The following RTN4 variants were observed in gnomAD, a reference collection of about 807,000 sequenced individuals.
The protein encoded by RTN4 is reticulon 4.
In RTN4, 32 loss-of-function variants were observed where a neutral mutation model predicts 90.4. The ratio of observed to expected loss-of-function variants is 0.35; its 90% CI spans 0.27 to 0.48. The LOEUF (loss-of-function observed/expected upper bound fraction) is 0.48. Among genes scored for constraint, RTN4 ranks in the 20% least tolerant of loss-of-function variants. The pLI, the probability that RTN4 is intolerant of heterozygous loss-of-function variation, is 0.99. For synonymous variants in RTN4, 629 were observed against 552.5 expected (o/e 1.14, Z -1.94); for missense variants, 1,706 against 1,430.2 (o/e 1.19, Z -3.11).
chr2:55,071,215 A>G (rs561205386), intron 2 of RTN4, among the ~76,000 whole-genome samples: 9 of 151,840 alleles, frequency 5.9e-5, no homozygotes, highest in African/African-American at 1.9e-4. Flanking sequence ...CTTGTGATCT[A>G]CAAGACAAAA....
At chr2:54,988,379 A>G (rs1436550401) in intron 3 of RTN4, among the ~76,000 whole-genome samples, 3 of 152,332 alleles carry the variant, frequency 2.0e-5, no homozygotes, top group Non-Finnish European at 2.9e-5. Flanking sequence ...AAATAATTCA[A>G]TAAATATATT....
intron 1 of RTN4, among the ~76,000 whole-genome samples, chr2:55,086,593 C>T (rs1450278090): frequency 2.0e-5 from 3 of 151,988 alleles, no homozygotes; most frequent in African/African-American, 7.3e-5. Context: ...TCACTCAAGC[C>T]CACGATTTCG....
At chr2:55,069,194 T>C (rs1447610192) in intron 2 of RTN4, among the ~76,000 whole-genome samples, 1 of 152,256 alleles carries the variant, frequency 6.6e-6, no homozygotes, top group African/African-American at 2.4e-5. Flanking sequence ...TAACACATTT[T>C]ACCTAGCTCA....
intron 2 of RTN4, among the ~76,000 whole-genome samples, chr2:55,062,792 C>T (rs1668323946): frequency 6.6e-6 from 1 of 152,224 alleles, no homozygotes; most frequent in African/African-American, 2.4e-5. Flanking sequence ...CATTAGCCAT[C>T]TACCTGGTCA....
In RTN4 at chr2:55,050,270, A is replaced by C. The variant is rs757519920; in HGVS notation, c.31T>G (p.Ser11Ala). 2.0e-6 allele frequency: 3 copies of C among 1,490,602 alleles called. No individual in the cohort carries two copies. The East Asian group carries it at 8.0e-5, about 40-fold the overall frequency. The allele number at this position is 1,490,602 out of a possible 1,614,324, so 92.3% of individuals were successfully genotyped here. A position where few individuals can be genotyped will look rare whatever the true frequency, so the allele number is the denominator to read the frequency against. The change falls in exon 1 of 9, where the codon TCG becomes GCG. Residue 11 changes from serine (S) to alanine (A), a missense_variant. By Grantham distance (99) the Ser-to-Ala change is moderately conservative. Coordinates refer to ENST00000337526, the MANE Select transcript of RTN4 (RefSeq NM_020532.5). This position sits in a 1 kb window ranked among gnomAD's most constrained non-coding sequence, Gnocchi z 4.6. Reference protein sequence around the residue: MEDLDQSPLVSSSDSPPRPQP... With the variant: MEDLDQSPLVASSDSPPRPQP... ...GGCCGGGGTGGGCTGTCCGAGGACGAGACCAGAGGAGACTGGTCCAGGTCT... is the reference window on the plus strand; with the variant it reads ...GGCCGGGGTGGGCTGTCCGAGGACGCGACCAGAGGAGACTGGTCCAGGTCT...
At chr2:55,006,481 T>G (rs1364567194) in intron 3 of RTN4, among the ~76,000 whole-genome samples, 3 of 152,104 alleles carry the variant, frequency 2.0e-5, no homozygotes, top group African/African-American at 7.2e-5. Context: ...AAAATGAAAG[T>G]AGCTTATCAT....
intron 1 of RTN4, among the ~76,000 whole-genome samples, chr2:55,034,406 G>C (rs1018992834): frequency 6.6e-6 from 1 of 152,160 alleles, no homozygotes; most frequent in East Asian, 1.9e-4. Flanking sequence ...GGAGGCTGAG[G>C]TGGGAGGATC....
the RTN4 span, among the ~76,000 whole-genome samples, chr2:55,131,094 T>C: frequency 2.6e-5 from 4 of 152,344 alleles, no homozygotes; most frequent in Admixed American, 2.0e-4. Flanking sequence ...GGGGTTTTTT[T>C]TGACATAAGT....
intron 3 of RTN4, among the ~76,000 whole-genome samples, chr2:55,016,997 C>T (rs935070676): frequency 4.6e-5 from 7 of 152,044 alleles, no homozygotes; most frequent in African/African-American, 1.2e-4. Context: ...CTGTATTGGG[C>T]CCACAGTAAG....
intron 2 of RTN4, among the ~76,000 whole-genome samples, chr2:55,079,135 T>C (rs1668656971): frequency 1.3e-5 from 2 of 152,200 alleles, no homozygotes; most frequent in African/African-American, 4.8e-5. Flanking sequence ...ATTTGGCAAC[T>C]GATTGATCTA....
chr2:54,995,037 G>A (rs1172607640), intron 3 of RTN4, among the ~76,000 whole-genome samples: 10 of 152,084 alleles, frequency 6.6e-5, no homozygotes, highest in Admixed American at 2.0e-4. Context: ...CTGAGGTCAC[G>A]AGTTTGAGCC....
In RTN4 at chr2:55,026,400, T is replaced by C. The variant is rs199619012; in HGVS notation, c.1699A>G (p.Thr567Ala). The part of the protein sequence containing the change: ...EACESELNEV[T>A]GTKIAYETKM... ...GTTTCATAAGCAATCTTTGTACCAG[T>C]AACTTCATTCAATTCACTTTCACAT... The change falls in exon 3 of 9, where the codon ACT becomes GCT. Residue 567 changes from threonine (T) to alanine (A), a missense_variant. Physicochemically the swap from Thr to Ala is moderately conservative, Grantham distance 58. Transcript: ENST00000337526. The C allele has an allele frequency of 5.0e-6, 8 of 1,613,922 alleles. No individual in the cohort carries two copies. In the South Asian group the frequency reaches 5.5e-5, roughly 11 times the overall value.
chr2:55,124,304 C>T, the RTN4 span, among the ~76,000 whole-genome samples: 2 of 152,236 alleles, frequency 1.3e-5, no homozygotes, highest in Non-Finnish European at 2.9e-5. Flanking sequence ...AGTTTGATGG[C>T]TCCTGGTTTG....
chr2:55,115,886 C>T (rs150016689), upstream of RTN4, among the ~76,000 whole-genome samples: 479 of 152,222 alleles, frequency 3.1e-3, 1 homozygote, highest in Non-Finnish European at 4.2e-3. Context: ...TTTTTTAACC[C>T]TTGAAACATT....
intron 2 of RTN4, among the ~76,000 whole-genome samples, chr2:55,079,294 G>A (rs868037563): frequency 1.3e-5 from 2 of 152,188 alleles, no homozygotes; most frequent in African/African-American, 4.8e-5. Flanking sequence ...GTGCCTGGGT[G>A]GTTAACTCAC....
upstream of RTN4, among the ~76,000 whole-genome samples, chr2:55,112,834 G>A (rs547834393): frequency 6.6e-6 from 1 of 152,340 alleles, no homozygotes; most frequent in South Asian, 2.1e-4. Flanking sequence ...CATGGCTCTG[G>A]CTTCCTTGTT....
At chr2:54,976,855 T>C (rs781782439) in intron 5 of RTN4, among the ~76,000 whole-genome samples, 2 of 152,228 alleles carry the variant, frequency 1.3e-5, no homozygotes, top group Non-Finnish European at 2.9e-5. Flanking sequence ...TTTGCAACAT[T>C]ATAGCCAATA....
intron 2 of RTN4, among the ~76,000 whole-genome samples, chr2:55,057,868 A>C (rs954849191): frequency 6.6e-6 from 1 of 152,176 alleles, no homozygotes. Context: ...ATGTGGTTCT[A>C]GCTACTTGGG....
At chr2:55,048,655 A>G (rs2104976323) in intron 1 of RTN4, among the ~76,000 whole-genome samples, 1 of 152,336 alleles carries the variant, frequency 6.6e-6, no homozygotes, top group Non-Finnish European at 1.5e-5. Context: ...TCCTTGACCT[A>G]AACGTCGTTA....
Sources: allele counts gnomAD v4.1 joint callset (sites outside exome capture counted in the v4.1 genomes callset), GRCh38; gene constraint gnomAD v4.1.1; non-coding constraint Gnocchi (gnomAD v3.1); transcripts MANE v1.5; gene names NCBI Gene and HGNC (gene_info 2026-07-23, HGNC 2026-07-21).